BASP1: variants seen among roughly 807,000 people sequenced by gnomAD.
BASP1 encodes the protein brain abundant membrane attached signal protein 1.
BASP1 carries 1 observed loss-of-function variant against 2.2 expected under a neutral mutation model. That is an observed-to-expected ratio of 0.46 (90% CI 0.16 to 2.17). BASP1 has a LOEUF of 2.17. Among genes scored for constraint, BASP1 ranks in the 30% most tolerant of loss-of-function variants. The pLI is 0.27. For missense variants in BASP1, 352 were observed against 327.2 expected (o/e 1.08, Z -0.58); for synonymous variants, 187 against 154.2 (o/e 1.21, Z -1.58).
chr5:17,246,547 G>A (rs1739995825), intron 1 of BASP1, among the ~76,000 whole-genome samples: 1 of 152,030 alleles, frequency 6.6e-6, no homozygotes, highest in African/African-American at 2.4e-5. Context: ...AGATGTGGCC[G>A]CCCCGAAAAC....
Position 17,275,337 on chromosome 5 carries a change from G to T in BASP1, c.121G>T (p.Glu41Ter). Residue 41 changes from glutamate (E) to a stop codon, truncating the protein, a stop_gained, in exon 2 of 2, where the codon GAG (glutamate) becomes TAG (stop). Coordinates refer to ENST00000322611, the MANE Select transcript of BASP1 (RefSeq NM_006317.5). LOFTEE classifies it low-confidence loss of function (END_TRUNC). This position sits in a 1 kb window ranked among gnomAD's most constrained non-coding sequence, Gnocchi z 5.3. ...TEEEGTPKES[E>*]PQAAAEPAEA... ...AGAGGAGGGGACCCCGAAGGAGAGT[G>T]AGCCCCAGGCGGCCGCAGAGCCCGC... is the stretch of plus-strand genomic sequence containing the variant. The T allele has an allele frequency of 6.2e-7, 1 of 1,610,496 alleles. No homozygotes were observed. The highest frequency in any genetic ancestry group is 8.5e-7 in the Non-Finnish European group (1 of 1,178,572).
In BASP1 at chr5:17,251,771, G is replaced by T. The variant is rs1466992402; in HGVS notation, c.-9-23437G>T. On this transcript the variant is annotated intron_variant, in intron 1 of 1. Coordinates refer to ENST00000322611, the MANE Select transcript of BASP1 (RefSeq NM_006317.5). This position sits in a 1 kb window ranked among gnomAD's most constrained non-coding sequence, Gnocchi z 4.0. ...CTGGCTGGGCGATGGGGTGGATGTG[G>T]TTCTAATCTCTTGGGAGGGAGCAGA... Among the ~76,000 whole-genome samples, 1 of 152,194 alleles carries T rather than the reference G, an allele frequency of 6.6e-6. No individual in the cohort carries two copies. Among genetic ancestry groups the T allele is most frequent in the Non-Finnish European group, 1.5e-5 (1 of 68,026 alleles).
intron 1 of BASP1, among the ~76,000 whole-genome samples, chr5:17,259,243 C>T (rs1198648183): frequency 6.6e-6 from 1 of 152,128 alleles, no homozygotes; most frequent in Non-Finnish European, 1.5e-5. Context: ...AAACCATCAA[C>T]TCTCGTGAGA....
In BASP1 at chr5:17,243,458, C is replaced by T. The variant is rs538167992; in HGVS notation, c.-10+25648C>T. 2.6e-4 allele frequency among the ~76,000 whole-genome samples: 40 copies of T among 152,224 alleles called. No homozygotes were observed. In the South Asian group the frequency reaches 8.1e-3, roughly 31 times the overall value. ...CATGAGCCACCACGCCCGGCTCCCTCCAACCTTCTTAACTTCAGTTTCCGG... is the reference window on the plus strand; with the variant it reads ...CATGAGCCACCACGCCCGGCTCCCTTCAACCTTCTTAACTTCAGTTTCCGG... On this transcript the variant is annotated intron_variant, in intron 1 of 1. Coordinates refer to ENST00000322611, the MANE Select transcript of BASP1 (RefSeq NM_006317.5).
intron 1 of BASP1, among the ~76,000 whole-genome samples, chr5:17,249,239 T>C (rs941867661): frequency 2.0e-5 from 3 of 152,092 alleles, no homozygotes; most frequent in Non-Finnish European, 4.4e-5. Context: ...CTGTGTGGGG[T>C]GCAGTAAATG....
At chr5:17,242,283 C>T (rs1561169476) in intron 1 of BASP1, among the ~76,000 whole-genome samples, 3 of 152,068 alleles carry the variant, frequency 2.0e-5, no homozygotes, top group Admixed American at 1.3e-4. Context: ...GTGATGAGTG[C>T]GGGTGAGAAT....
intron 1 of BASP1, among the ~76,000 whole-genome samples, chr5:17,268,997 T>A (rs1230136890): frequency 6.6e-6 from 1 of 152,236 alleles, no homozygotes; most frequent in Non-Finnish European, 1.5e-5. Flanking sequence ...TTAAAACCTA[T>A]TTTTTAGGCC....
intron 1 of BASP1, among the ~76,000 whole-genome samples, chr5:17,265,720 A>C (rs1353936510): frequency 6.6e-6 from 1 of 152,232 alleles, no homozygotes; most frequent in Non-Finnish European, 1.5e-5. Context: ...TAAAGGACTA[A>C]AGAAAGGAAG....
At chr5:17,220,932 ATGTC>A (rs1250751818) in intron 1 of BASP1, among the ~76,000 whole-genome samples, 4 of 152,124 alleles carry the variant, frequency 2.6e-5, no homozygotes, top group African/African-American at 9.7e-5. Flanking sequence ...TCTAAAATGG[ATGTC>A]TGTGTTATTT....
intron 1 of BASP1, among the ~76,000 whole-genome samples, chr5:17,218,720 G>C (rs1308960711): frequency 7.2e-5 from 11 of 152,010 alleles, no homozygotes; most frequent in Admixed American, 2.6e-4. Context: ...GCTGAAACCC[G>C]GCGCCCGGTT....
intron 1 of BASP1, among the ~76,000 whole-genome samples, chr5:17,248,728 A>G (rs764965790): frequency 6.6e-6 from 1 of 152,228 alleles, no homozygotes; most frequent in Non-Finnish European, 1.5e-5. Flanking sequence ...TAAAACACGC[A>G]TATTTATGGG....
At chr5:17,228,658 T>C (rs1004690193) in intron 1 of BASP1, among the ~76,000 whole-genome samples, 2 of 152,178 alleles carry the variant, frequency 1.3e-5, no homozygotes, top group Non-Finnish European at 2.9e-5. Context: ...CAGCAACAAA[T>C]ACTGCCACGT....
chr5:17,275,955 CT>C lies in BASP1; in HGVS notation c.*56del. The C allele has an allele frequency of 1.4e-6, 2 of 1,396,214 alleles. No homozygotes were observed. Among genetic ancestry groups the C allele is most frequent in the Non-Finnish European group, 1.9e-6 (2 of 1,048,204 alleles). 86.5% of individuals were successfully genotyped at this position (1,396,214 alleles called of 1,614,324 possible). A position where few individuals can be genotyped will look rare whatever the true frequency, so the allele number is the denominator to read the frequency against. ...ACTTAAAACAATCTCCTCTCTCTCTCTCTCTCTCTCTCTCTATCTCTCTCTC... is the reference window on the plus strand; with the variant it reads ...ACTTAAAACAATCTCCTCTCTCTCTCCTCTCTCTCTCTCTATCTCTCTCTC... On this transcript the variant is annotated 3_prime_UTR_variant, in exon 2 of 2. Transcript: ENST00000322611. This position sits in a 1 kb window ranked among gnomAD's most constrained non-coding sequence, Gnocchi z 5.3.
chr5:17,275,839 A>G lies in BASP1; in HGVS notation c.623A>G (p.Glu208Gly), dbSNP rs749579618. 6 of 1,608,078 alleles carry G rather than the reference A, an allele frequency of 3.7e-6. No individual in the cohort carries two copies. The African/African-American group carries it at 8.0e-5, about 22-fold the overall frequency. Residue 208 changes from glutamate (E) to glycine (G), a missense_variant, in exon 2 of 2, where the codon GAG becomes GGG. Coordinates refer to ENST00000322611, the MANE Select transcript of BASP1 (RefSeq NM_006317.5). The surrounding 1 kb of genome is among the most constrained non-coding windows in gnomAD (Gnocchi z 5.3). ...CAGGGCCCCGCAGCCTCTGCAGAAGAGCCCAAGCCGGTGGAGGCCCCGGCA... is the reference window on the plus strand; with the variant it reads ...CAGGGCCCCGCAGCCTCTGCAGAAGGGCCCAAGCCGGTGGAGGCCCCGGCA... ...KAQGPAASAE[E>G]PKPVEAPAAN...
chr5:17,271,163 G>A (rs1042192021), intron 1 of BASP1, among the ~76,000 whole-genome samples: 1 of 152,084 alleles, frequency 6.6e-6, no homozygotes, highest in Admixed American at 6.5e-5. Context: ...TTTGTTTTGA[G>A]GCAGGGTCTC....
Position 17,251,379 on chromosome 5 carries a change from A to G in BASP1, c.-9-23829A>G, listed in dbSNP as rs891635864. On this transcript the variant is annotated intron_variant, in intron 1 of 1. Transcript: ENST00000322611. This position sits in a 1 kb window ranked among gnomAD's most constrained non-coding sequence, Gnocchi z 4.0. Reference sequence around the variant, plus strand: ...TTATTATTACACATTGTATACAAGTATCAACATATCACATGTACCCCTAAA... The same window carrying G: ...TTATTATTACACATTGTATACAAGTGTCAACATATCACATGTACCCCTAAA... Among the ~76,000 whole-genome samples the G allele has an allele frequency of 2.0e-5, 3 of 152,252 alleles. No individual in the cohort carries two copies. The highest frequency in any genetic ancestry group is 7.2e-5 in the African/African-American group (3 of 41,470).
intron 1 of BASP1, among the ~76,000 whole-genome samples, chr5:17,247,184 CTAAATAAA>C (rs763268234): frequency 6.6e-6 from 1 of 152,026 alleles, no homozygotes; most frequent in African/African-American, 2.4e-5. Context: ...GACCCTGTCT[CTAAATAAA>C]TAAATAAATA....
At chr5:17,267,708 G>A (rs1278163571) in intron 1 of BASP1, among the ~76,000 whole-genome samples, 2 of 150,798 alleles carry the variant, frequency 1.3e-5, no homozygotes, top group African/African-American at 2.4e-5. Flanking sequence ...TAGTAGAGAC[G>A]AGGTTTCACC....
At chr5:17,247,184 C>CTAAA (rs763268234) in intron 1 of BASP1, among the ~76,000 whole-genome samples, 65 of 152,144 alleles carry the variant, frequency 4.3e-4, no homozygotes, top group Non-Finnish European at 5.1e-4. Context: ...GACCCTGTCT[C>CTAAA]TAAATAAATA....
Sources: allele counts gnomAD v4.1 joint callset (sites outside exome capture counted in the v4.1 genomes callset), GRCh38; gene constraint gnomAD v4.1.1; non-coding constraint Gnocchi (gnomAD v3.1); transcripts MANE v1.5; gene names NCBI Gene and HGNC (gene_info 2026-07-23, HGNC 2026-07-21).